Variants in GOLGA4 observed in about 807,000 individuals in gnomAD.
GOLGA4 encodes the protein golgin subfamily A member 4.
A neutral mutation model predicts 265.9 loss-of-function variants in GOLGA4; 169 were observed. That is an observed-to-expected ratio of 0.64 (90% CI 0.56 to 0.72). The LOEUF is 0.72. Among genes scored for constraint, GOLGA4 ranks in the 30% least tolerant of loss-of-function variants. GOLGA4 has a pLI of 0.00. For synonymous variants in GOLGA4, 923 were observed against 855.8 expected (o/e 1.08, Z -1.37); for missense variants, 2,482 against 2,483.4 (o/e 1.00, Z 0.01).
In GOLGA4 at chr3:37,286,232, C is replaced by A. The variant is rs565165534; in HGVS notation, c.525+171C>A. Among the ~76,000 whole-genome samples the A allele has an allele frequency of 7.1e-5, 10 of 141,258 alleles. No homozygotes were observed. In the East Asian group the frequency reaches 1.5e-3, roughly 21 times the overall value. 92.7% of individuals were successfully genotyped at this position (141,258 alleles called of 152,430 possible). ...GCAGTGGCGCAATCTCGGCTCACTG[C>A]AAGCTCCGCCTCCCGGGTTCACGCC... On this transcript the variant is annotated intron_variant, in intron 4 of 23. Coordinates refer to ENST00000361924, the MANE Select transcript of GOLGA4 (RefSeq NM_002078.5).
chr3:37,331,858 T>C (rs2096991501), intron 16 of GOLGA4, among the ~76,000 whole-genome samples: 2 of 152,176 alleles, frequency 1.3e-5, no homozygotes, highest in Non-Finnish European at 2.9e-5. Context: ...ACCTATTTTG[T>C]CATTAAATCT....
At chr3:37,315,259 G>A (rs920970272) in intron 10 of GOLGA4, among the ~76,000 whole-genome samples, 161 bp from the exon 11 acceptor site, 1 of 152,158 alleles carries the variant, frequency 6.6e-6, no homozygotes, top group Non-Finnish European at 1.5e-5. Context: ...GTTTCTTGTG[G>A]CTTTGTTCAA....
In GOLGA4 at chr3:37,324,506, A is replaced by C. The variant is rs1201827162; in HGVS notation, c.2620A>C (p.Asn874His). 1.1e-5 allele frequency: 17 copies of C among 1,614,008 alleles called. No individual in the cohort carries two copies. The highest frequency in any genetic ancestry group is 2.2e-5 in the South Asian group (2 of 91,058). ...QDLMQQLEKQ[N>H]SEMEQKVKSL... is the part of the protein sequence containing the mutation. The stretch of plus-strand genomic sequence containing the variant: ...CTTAATGCAGCAACTTGAAAAACAA[A>C]ATAGTGAAATGGAGCAAAAAGTAAA... Residue 874 changes from asparagine (N) to histidine (H), a missense_variant, in exon 14 of 24, where the codon AAT becomes CAT. Physicochemically the swap from Asn to His is moderately conservative, Grantham distance 68. This residue lies in a region of GOLGA4 where 1,536 missense variants were observed against 1,483.7 expected (regional missense o/e 1.04). Transcript: ENST00000361924.
At chr3:37,319,955 T>C (rs905826811) in intron 12 of GOLGA4, 1 of 152,078 alleles carries the variant, frequency 6.6e-6, no homozygotes, top group Non-Finnish European at 1.5e-5. Flanking sequence ...ATGTCGAAAA[T>C]CTCATCAGAC....
At chr3:37,248,488 G>T (rs1578324770) in intron 1 of GOLGA4, among the ~76,000 whole-genome samples, 1 of 152,162 alleles carries the variant, frequency 6.6e-6, no homozygotes, top group Non-Finnish European at 1.5e-5. Context: ...TTGAAGTGAG[G>T]ATAGCCCATT....
At chr3:37,265,669 C>T (rs2096781707) in intron 2 of GOLGA4, among the ~76,000 whole-genome samples, 1 of 152,162 alleles carries the variant, frequency 6.6e-6, no homozygotes, top group Non-Finnish European at 1.5e-5. Flanking sequence ...ATAGACATAT[C>T]TATTACCTCC....
intron 2 of GOLGA4, among the ~76,000 whole-genome samples, chr3:37,274,417 C>T (rs959270796): frequency 6.6e-6 from 1 of 151,972 alleles, no homozygotes; most frequent in Non-Finnish European, 1.5e-5. Context: ...GCAGGCTGGG[C>T]GCAGTGGCTC....
At chr3:37,288,700 G>T (rs987895277) in intron 4 of GOLGA4, among the ~76,000 whole-genome samples, 2 of 142,826 alleles carry the variant, frequency 1.4e-5, no homozygotes, top group Admixed American at 1.4e-4. Flanking sequence ...GGATGGTCTC[G>T]ATCTCCTGAC....
In GOLGA4 at chr3:37,327,385, T is replaced by C. The variant is rs1182124432; in HGVS notation, c.5499T>C (p.Asn1833=). The change falls in exon 14 of 24, where the codon AAT becomes AAC. Residue 1833 remains asparagine, a synonymous_variant. Transcript: ENST00000361924. ...TACAGGCAAAGCAAAACTTGGAAAA[T>C]GTGTTTGACGACGTCCAGAAAACCC... The part of the protein sequence containing the change: ...NNIQAKQNLE[N]VFDDVQKTLQ... 2.7e-5 allele frequency: 43 copies of C among 1,613,584 alleles called. No homozygotes were observed. The highest frequency in any genetic ancestry group is 3.1e-5 in the Non-Finnish European group (37 of 1,179,812).
chr3:37,301,832 A>G (rs1437444782), intron 9 of GOLGA4, among the ~76,000 whole-genome samples: 6 of 152,068 alleles, frequency 3.9e-5, no homozygotes, highest in Non-Finnish European at 7.3e-5. Flanking sequence ...TCTGTCACCC[A>G]GGCTGGAGTG....
chr3:37,276,110 G>T, intron 2 of GOLGA4: 1 of 1,610,934 alleles, frequency 6.2e-7, no homozygotes, highest in Non-Finnish European at 8.5e-7. Flanking sequence ...TTCTGATTCT[G>T]TGCAGTTGAA....
chr3:37,297,841 A>G (rs1282602898), intron 7 of GOLGA4, among the ~76,000 whole-genome samples: 1 of 152,198 alleles, frequency 6.6e-6, no homozygotes, highest in Non-Finnish European at 1.5e-5. Flanking sequence ...AGTCTGGCCA[A>G]CATGGTGAAA....
chr3:37,252,089 C>T (rs2096735476), intron 2 of GOLGA4, among the ~76,000 whole-genome samples: 1 of 152,018 alleles, frequency 6.6e-6, no homozygotes, highest in African/African-American at 2.4e-5. Context: ...ACTTATTTAA[C>T]TTATTCCATG....
Position 37,324,859 on chromosome 3 carries a change from G to T in GOLGA4, c.2973G>T (p.Glu991Asp). 6.3e-7 allele frequency: 1 copy of T among 1,594,872 alleles called. No homozygotes were observed. Among genetic ancestry groups the T allele is most frequent in the South Asian group, 1.2e-5 (1 of 86,848 alleles). The change falls in exon 14 of 24, where the codon GAG (glutamate) becomes GAT (aspartate). Residue 991 changes from glutamate (E) to aspartate (D), a missense_variant. Around this residue, in one of 3 missense-constraint regions of GOLGA4, gnomAD observed 1,536 missense variants for 1,483.7 expected, o/e 1.04. Transcript: ENST00000361924. ...LKKELENTAL[E>D]LSQKEKQFNA... ...AAGAGCTTGAAAATACTGCTCTAGA[G>T]CTTAGTCAGAAAGAAAAACAGTTTA...
intron 2 of GOLGA4, among the ~76,000 whole-genome samples, chr3:37,264,301 C>A (rs1415767458): frequency 6.6e-6 from 1 of 152,078 alleles, no homozygotes; most frequent in Non-Finnish European, 1.5e-5. Context: ...AACATCCATT[C>A]AAAGGATGAT....
chr3:37,285,770 T>G (rs948644500), intron 3 of GOLGA4, among the ~76,000 whole-genome samples: 2 of 152,256 alleles, frequency 1.3e-5, no homozygotes, highest in South Asian at 4.1e-4. Flanking sequence ...AATTAGGTAC[T>G]GAAATTTAGA....
intron 4 of GOLGA4, among the ~76,000 whole-genome samples, chr3:37,286,752 C>G (rs949719122): frequency 6.6e-6 from 1 of 152,166 alleles, no homozygotes; most frequent in Non-Finnish European, 1.5e-5. Context: ...TTTTTAAATA[C>G]CTGCAGACAT....
chr3:37,255,259 C>T (rs2096745361), intron 2 of GOLGA4, among the ~76,000 whole-genome samples: 1 of 152,084 alleles, frequency 6.6e-6, no homozygotes, highest in Non-Finnish European at 1.5e-5. Context: ...CTCCCGGGTT[C>T]AAGCAATTCT....
Position 37,275,837 on chromosome 3 carries a change from T to C in GOLGA4, c.163-6121T>C, listed in dbSNP as rs2096816198. ...ACTGCAGTCCACAAGAATCGGAATG[T>C]CAGTTAATGCTATTCGCAAGCAGAG... On this transcript the variant is annotated intron_variant, in intron 2 of 23. Transcript: ENST00000361924. 2.0e-5 allele frequency: 32 copies of C among 1,613,664 alleles called. No homozygotes were observed. The South Asian group carries it at 3.5e-4, about 18-fold the overall frequency.
Sources: allele counts gnomAD v4.1 joint callset (sites outside exome capture counted in the v4.1 genomes callset), GRCh38; gene constraint gnomAD v4.1.1; regional missense constraint gnomAD v4.1.1; transcripts MANE v1.5; gene names NCBI Gene and HGNC (gene_info 2026-07-23, HGNC 2026-07-21).